The following MYCBP2 variants were observed in gnomAD, a reference collection of about 807,000 sequenced individuals.
MYCBP2 encodes the protein E3 ubiquitin-protein ligase MYCBP2.
A neutral mutation model predicts 525.3 loss-of-function variants in MYCBP2; 120 were observed. The observed-to-expected ratio is 0.23, with a 90% CI of 0.20 to 0.27. The LOEUF is 0.27. MYCBP2 is among the 10% of genes least tolerant of loss of function. MYCBP2 has a pLI of 1.00. For synonymous variants in MYCBP2, 1,894 were observed against 1,955.8 expected (o/e 0.97, Z 0.83); for missense variants, 4,149 against 5,657.1 (o/e 0.73, Z 8.55).
chr13:77,099,202 C>T (rs1443000234), intron 55 of MYCBP2, 189 bp from the exon 56 acceptor site: 2 of 774,664 alleles, frequency 2.6e-6, no homozygotes, highest in East Asian at 5.6e-5. Context: ...CATCATTACA[C>T]AACATTACCA....
In MYCBP2 at chr13:77,190,422, C is replaced by A. The variant is rs1358304215; in HGVS notation, c.4071-87G>T. 15 of 791,536 alleles carry A rather than the reference C, an allele frequency of 1.9e-5. No individual in the cohort carries two copies. The East Asian group carries it at 2.8e-4, about 15-fold the overall frequency. 49.0% of individuals were successfully genotyped at this position (791,536 alleles called of 1,614,324 possible). A position where few individuals can be genotyped will look rare whatever the true frequency, so the allele number is the denominator to read the frequency against. On this transcript the variant is annotated intron_variant, in intron 28 of 82. Coordinates refer to ENST00000544440, the MANE Select transcript of MYCBP2 (RefSeq NM_015057.5). ...AGAAACATGTTTTCAAATCTTATGT[C>A]AATGAAAATGATTCACTCTTTTACA...
At chr13:77,073,450 G>A (rs965897739) in intron 68 of MYCBP2, among the ~76,000 whole-genome samples, 1 of 151,970 alleles carries the variant, frequency 6.6e-6, no homozygotes, top group Non-Finnish European at 1.5e-5. Context: ...AATAATGAAT[G>A]GTTTATACTT....
intron 55 of MYCBP2, among the ~76,000 whole-genome samples, chr13:77,105,014 G>A (rs1357558123): frequency 6.6e-6 from 1 of 152,078 alleles, no homozygotes; most frequent in Non-Finnish European, 1.5e-5. Context: ...TGCAGCTATT[G>A]TTAAAATATC....
chr13:77,193,671 A>G (rs2061498182), intron 27 of MYCBP2, among the ~76,000 whole-genome samples: 2 of 152,172 alleles, frequency 1.3e-5, no homozygotes, highest in Non-Finnish European at 2.9e-5. Context: ...ATAAACTCCC[A>G]AAAGGTTTCA....
chr13:77,101,033 A>G (rs1450194723), intron 55 of MYCBP2, among the ~76,000 whole-genome samples: 2 of 152,126 alleles, frequency 1.3e-5, no homozygotes, highest in Admixed American at 6.6e-5. Context: ...GGTAGATTAA[A>G]TCAGTAGTCA....
At chr13:77,106,321 G>A (rs1480760946) in intron 55 of MYCBP2, among the ~76,000 whole-genome samples, 1 of 152,074 alleles carries the variant, frequency 6.6e-6, no homozygotes, top group Non-Finnish European at 1.5e-5. Flanking sequence ...TCAGTTTGGT[G>A]TTCAATTTGT....
At position 77,081,394 on chromosome 13, in the gene MYCBP2, C is replaced by T. The variant is rs1249741308; in HGVS notation, c.11418+33G>A. ...CATGAATACTAAGATCTGAAAAGAG[C>T]TAAAGAGCCGTAAATCACGTTTGCT... On this transcript the variant is annotated intron_variant, in intron 65 of 82. Transcript: ENST00000544440. This position sits in a 1 kb window ranked among gnomAD's most constrained non-coding sequence, Gnocchi z 4.6. 1.9e-6 allele frequency: 3 copies of T among 1,576,944 alleles called. No homozygotes were observed. Among genetic ancestry groups the T allele is most frequent in the Non-Finnish European group, 2.6e-6 (3 of 1,150,604 alleles).
intron 14 of MYCBP2, 84 bp downstream of exon 14, chr13:77,257,587 A>C (rs1034177510): frequency 1.1e-4 from 147 of 1,328,742 alleles, no homozygotes; most frequent in Middle Eastern, 3.9e-4. Context: ...TCATTTTGAA[A>C]AGAACAAGAC....
intron 3 of MYCBP2, among the ~76,000 whole-genome samples, chr13:77,286,789 A>AATATATATATATATAT: frequency 5.6e-3 from 236 of 42,234 alleles, no homozygotes; most frequent in Non-Finnish European, 6.4e-3. Flanking sequence ...AAAAAAAAAA[A>AATATATATATATATAT]ATATATATAT....
At chr13:77,280,779 G>C (rs752974489) in intron 3 of MYCBP2, among the ~76,000 whole-genome samples, 12 of 152,132 alleles carry the variant, frequency 7.9e-5, no homozygotes, top group Non-Finnish European at 1.5e-4. Context: ...AGTGAGACTG[G>C]CCCATAAAAC....
At chr13:77,046,745 G>C (rs1349370322) in intron 82 of MYCBP2, among the ~76,000 whole-genome samples, 1 of 152,218 alleles carries the variant, frequency 6.6e-6, no homozygotes, top group Non-Finnish European at 1.5e-5. Flanking sequence ...ACAGGCATGA[G>C]AGTGGCAATG....
chr13:77,045,617 A>G (rs1294493687), intron 82 of MYCBP2, 124 bp from the exon 83 acceptor site: 15 of 656,320 alleles, frequency 2.3e-5, no homozygotes, highest in Non-Finnish European at 3.9e-5. Context: ...TTATACAAAT[A>G]TAACATTTAG....
At chr13:77,255,244 A>G (rs1003481910) in intron 14 of MYCBP2, among the ~76,000 whole-genome samples, 3 of 151,914 alleles carry the variant, frequency 2.0e-5, no homozygotes, top group South Asian at 4.1e-4. Flanking sequence ...AAGTATGAGC[A>G]TTCCCCTTTC....
At chr13:77,280,978 G>T (rs1211651402) in intron 3 of MYCBP2, among the ~76,000 whole-genome samples, 1 of 152,140 alleles carries the variant, frequency 6.6e-6, no homozygotes, top group Non-Finnish European at 1.5e-5. Context: ...AACTATTAAA[G>T]AATTTTTAAT....
chr13:77,223,145 T>C (rs1315137835), intron 20 of MYCBP2, among the ~76,000 whole-genome samples: 1 of 152,192 alleles, frequency 6.6e-6, no homozygotes, highest in East Asian at 1.9e-4. Context: ...TTAACTATTA[T>C]AACAGCCTCA....
intron 8 of MYCBP2, among the ~76,000 whole-genome samples, chr13:77,267,462 C>CA (rs780008716): frequency 2.7e-5 from 4 of 150,904 alleles, no homozygotes; most frequent in Non-Finnish European, 5.9e-5. Context: ...GAGGAAAACC[C>CA]AACTGCACTG....
At chr13:77,102,720 CAT>C (rs1169387059) in intron 55 of MYCBP2, among the ~76,000 whole-genome samples, 3 of 151,744 alleles carry the variant, frequency 2.0e-5, no homozygotes, top group East Asian at 1.9e-4. Context: ...TAAATAGACA[CAT>C]GAGTCCTAAT....
intron 26 of MYCBP2, among the ~76,000 whole-genome samples, chr13:77,203,132 A>G (rs1027242700): frequency 6.6e-6 from 1 of 152,148 alleles, no homozygotes; most frequent in African/African-American, 2.4e-5. Context: ...ACATGATTGT[A>G]TATCTAGAAA....
At chr13:77,175,348 G>C (rs1357763381) in intron 36 of MYCBP2, among the ~76,000 whole-genome samples, 2 of 151,960 alleles carry the variant, frequency 1.3e-5, no homozygotes, top group Non-Finnish European at 2.9e-5. Flanking sequence ...GAAAAACTCA[G>C]AGATAGAAAT....
Sources: gnomAD v4.1 joint callset for allele counts (sites outside exome capture counted in the v4.1 genomes callset) on GRCh38, gnomAD v4.1.1 for gene constraint, Gnocchi (gnomAD v3.1) non-coding constraint, MANE v1.5 for transcripts, NCBI Gene and HGNC (gene_info 2026-07-23, HGNC 2026-07-21) for gene names.